Variants in SEMA5B observed in about 807,000 individuals in gnomAD.
The protein encoded by SEMA5B is semaphorin 5B, also known as semaphorin-5B.
A neutral mutation model predicts 135.0 loss-of-function variants in SEMA5B; 66 were observed. That is an observed-to-expected ratio of 0.49 (90% CI 0.40 to 0.60). The LOEUF is 0.60. Among genes scored for constraint, SEMA5B ranks in the 20% least tolerant of loss-of-function variants. The pLI, the probability that SEMA5B is intolerant of heterozygous loss-of-function variation, is 0.00. For missense variants in SEMA5B, 1,501 were observed against 1,566.3 expected (o/e 0.96, Z 0.70); for synonymous variants, 690 against 639.5 (o/e 1.08, Z -1.19).
intron 1 of SEMA5B, among the ~76,000 whole-genome samples, chr3:122,964,674 G>C (rs1477469496): frequency 6.6e-6 from 1 of 152,094 alleles, no homozygotes; most frequent in East Asian, 1.9e-4. Flanking sequence ...CTCTTCCTGG[G>C]TTGCCCTAGC....
chr3:122,919,428 G>T (rs1333622848), intron 12 of SEMA5B, among the ~76,000 whole-genome samples: 1 of 152,198 alleles, frequency 6.6e-6, no homozygotes, highest in African/African-American at 2.4e-5. Flanking sequence ...TCTTGGAGGT[G>T]CCCCGTGGGG....
At chr3:122,960,165 G>A (rs1940512500) in intron 2 of SEMA5B, among the ~76,000 whole-genome samples, 1 of 152,202 alleles carries the variant, frequency 6.6e-6, no homozygotes, top group African/African-American at 2.4e-5. Flanking sequence ...GGGATTTCCA[G>A]CACCAATTCA....
intron 22 of SEMA5B, 86 bp downstream of exon 22, chr3:122,910,754 G>A (rs1342732404): frequency 6.4e-6 from 7 of 1,096,202 alleles, no homozygotes; most frequent in Admixed American, 2.7e-5. Context: ...AGCTTGCAAT[G>A]AGCCGAGATC....
chr3:122,930,280 A>G (rs991645194), intron 5 of SEMA5B, among the ~76,000 whole-genome samples: 4 of 152,012 alleles, frequency 2.6e-5, no homozygotes, highest in Non-Finnish European at 5.9e-5. Context: ...AGGGAGGCTG[A>G]CTCCTGCACA....
chr3:122,976,264 C>T (rs1485511088), intron 1 of SEMA5B: 12 of 1,076,266 alleles, frequency 1.1e-5, no homozygotes, highest in Non-Finnish European at 1.6e-5. Context: ...TCAGGCCTCA[C>T]CCCAGACCTA....
intron 1 of SEMA5B, among the ~76,000 whole-genome samples, chr3:122,996,968 T>C (rs1029780986): frequency 1.3e-5 from 2 of 152,338 alleles, no homozygotes; most frequent in South Asian, 2.1e-4. Context: ...TTGGGTTCTT[T>C]ACTTGCCATT....
chr3:122,999,523 C>A (rs528167383), intron 1 of SEMA5B, among the ~76,000 whole-genome samples: 72 of 151,262 alleles, frequency 4.8e-4, no homozygotes, highest in African/African-American at 1.6e-3. Context: ...CCATGCCCGG[C>A]CTTAAGTAGA....
chr3:122,911,937 G>A lies in SEMA5B; in HGVS notation c.3029C>T (p.Pro1010Leu). 1 of 1,603,724 alleles carries A rather than the reference G, an allele frequency of 6.2e-7. No individual in the cohort carries two copies. The highest frequency in any genetic ancestry group is 8.5e-7 in the Non-Finnish European group (1 of 1,172,490). The change falls in exon 20 of 23, where the codon CCC becomes CTC. Residue 1010 changes from proline (P) to leucine (L), a missense_variant. Transcript: ENST00000357599. ...GTACCTACCGGGAATCTCGCTGTAG[G>A]GGCAGGGGCGGCTCTGGCTGCTGTT... is the stretch of plus-strand genomic sequence containing the variant. ...AGNSSQSRPC[P>L]YSEIPVILPA... is the part of the protein sequence containing the mutation.
chr3:123,015,933 A>G (rs775582549), intron 1 of SEMA5B, among the ~76,000 whole-genome samples: 3 of 152,204 alleles, frequency 2.0e-5, no homozygotes, highest in Non-Finnish European at 4.4e-5. Context: ...GGGCCTCAAG[A>G]CTGTTCATCT....
intron 2 of SEMA5B, among the ~76,000 whole-genome samples, chr3:122,953,435 T>C (rs544548191): frequency 6.6e-6 from 1 of 152,284 alleles, no homozygotes; most frequent in Non-Finnish European, 1.5e-5. Context: ...CCATTCTCAT[T>C]AGATTTTTAT....
intron 5 of SEMA5B, among the ~76,000 whole-genome samples, chr3:122,933,221 G>A (rs375008174): frequency 7.3e-5 from 11 of 151,712 alleles, no homozygotes; most frequent in Non-Finnish European, 8.8e-5. Flanking sequence ...TGATTTATTC[G>A]CTTATTTTGG....
intron 1 of SEMA5B, among the ~76,000 whole-genome samples, chr3:123,000,604 T>C (rs1942144858): frequency 6.6e-6 from 1 of 151,912 alleles, no homozygotes; most frequent in Non-Finnish European, 1.5e-5. Flanking sequence ...AGGGTGCAGG[T>C]GAGGAGACAG....
intron 12 of SEMA5B, among the ~76,000 whole-genome samples, chr3:122,916,316 A>G (rs1938073853): frequency 6.6e-6 from 1 of 152,224 alleles, no homozygotes. Context: ...TGCTATGATC[A>G]TAGAGTCATA....
Position 122,910,095 on chromosome 3 carries a change from C to T in SEMA5B, c.*48G>A. ...GGCTCCACTGTCCCATCTCCATCTG[C>T]TCTGTGCCTTATGAAGGCAAGAAGC... On this transcript the variant is annotated 3_prime_UTR_variant, in exon 23 of 23. Coordinates refer to ENST00000357599, the MANE Select transcript of SEMA5B (RefSeq NM_001031702.4). 6.3e-7 allele frequency: 1 copy of T among 1,596,178 alleles called. No individual in the cohort carries two copies. The highest frequency in any genetic ancestry group is 8.5e-7 in the Non-Finnish European group (1 of 1,171,004).
intron 12 of SEMA5B, among the ~76,000 whole-genome samples, chr3:122,920,732 G>A (rs1006909937): frequency 2.0e-5 from 3 of 152,220 alleles, no homozygotes; most frequent in Non-Finnish European, 4.4e-5. Flanking sequence ...CCCCAGGTGT[G>A]TCTGGTTCCA....
At position 122,948,602 on chromosome 3, in the gene SEMA5B, C is replaced by A. The variant is rs780116208; in HGVS notation, c.232G>T (p.Val78Leu). The change falls in exon 3 of 23, where the codon GTG becomes TTG. Residue 78 changes from valine to leucine, a missense_variant. This residue lies in a region of SEMA5B where 574 missense variants were observed against 684.7 expected (regional missense o/e 0.84). Coordinates refer to ENST00000357599, the MANE Select transcript of SEMA5B (RefSeq NM_001031702.4). The part of the protein sequence containing the change: ...SLLLPSLTLL[V>L]SHLSSSQDVS... ...TCCTGGGAGCTGGAGAGGTGGGACA[C>A]CAGCAGTGTGAGGCTGGGCAGCAAC... 3 of 1,613,882 alleles carry A rather than the reference C, an allele frequency of 1.9e-6. No individual in the cohort carries two copies. The African/African-American group carries it at 4.0e-5, about 22-fold the overall frequency.
chr3:122,979,020 CG>C (rs950874736), intron 1 of SEMA5B, among the ~76,000 whole-genome samples: 1 of 152,080 alleles, frequency 6.6e-6, no homozygotes, highest in African/African-American at 2.4e-5. Context: ...GCTCCGAAGG[CG>C]GTTCAGAGAG....
At chr3:122,947,490 G>T (rs1418118954) in intron 3 of SEMA5B, among the ~76,000 whole-genome samples, 1 of 152,100 alleles carries the variant, frequency 6.6e-6, no homozygotes, top group Non-Finnish European at 1.5e-5. Context: ...ACCCACTCCT[G>T]CAGGATGGGG....
intron 2 of SEMA5B, among the ~76,000 whole-genome samples, chr3:122,949,371 T>G (rs1272374246): frequency 6.6e-6 from 1 of 152,216 alleles, no homozygotes. Flanking sequence ...ATTCCTAATA[T>G]ATAAAGAACT....
Sources: gnomAD v4.1 joint callset for allele counts (sites outside exome capture counted in the v4.1 genomes callset) on GRCh38, gnomAD v4.1.1 for gene constraint, gnomAD v4.1.1 regional missense constraint, MANE v1.5 for transcripts, NCBI Gene and HGNC (gene_info 2026-07-23, HGNC 2026-07-21) for gene names.